The following CARMIL1 variants were observed in gnomAD, a reference collection of about 807,000 sequenced individuals.
CARMIL1 encodes F-actin-uncapping protein LRRC16A.
A neutral mutation model predicts 177.1 loss-of-function variants in CARMIL1; 90 were observed. The ratio of observed to expected loss-of-function variants is 0.51; its 90% CI spans 0.43 to 0.61. The LOEUF is 0.61. CARMIL1 is among the 20% of genes least tolerant of loss of function. The pLI, the probability that CARMIL1 is intolerant of heterozygous loss-of-function variation, is 0.00. For missense variants in CARMIL1, 1,380 were observed against 1,667.0 expected, an observed-to-expected ratio of 0.83 and a Z score of 3.00; for synonymous variants, 577 against 606.2, an observed-to-expected ratio of 0.95 and a Z score of 0.71.
chr6:25,319,867 A>C (rs922594462), intron 2 of CARMIL1, among the ~76,000 whole-genome samples: 1 of 150,602 alleles, frequency 6.6e-6, no homozygotes, highest in African/African-American at 2.4e-5. Flanking sequence ...TCCGGGGTTC[A>C]AGCGATTCTC....
chr6:25,302,103 T>C (rs969587512), intron 2 of CARMIL1, among the ~76,000 whole-genome samples: 3 of 152,174 alleles, frequency 2.0e-5, no homozygotes, highest in African/African-American at 7.2e-5. Context: ...GAAAATTCAG[T>C]AAGTCTAAAG....
At chr6:25,332,767 ACACACG>A (rs1289369169) in intron 2 of CARMIL1, among the ~76,000 whole-genome samples, 8 of 138,366 alleles carry the variant, frequency 5.8e-5, no homozygotes, top group African/African-American at 1.4e-4. Flanking sequence ...ACACACACAC[ACACACG>A]CGCACACACA....
intron 5 of CARMIL1, among the ~76,000 whole-genome samples, chr6:25,438,174 G>A (rs1157592340): frequency 6.6e-6 from 1 of 152,172 alleles, no homozygotes; most frequent in Non-Finnish European, 1.5e-5. Flanking sequence ...TCTGTAAAGA[G>A]AGTCTTTATT....
chr6:25,397,761 ACTAATGGACT>A (rs1793545565), intron 2 of CARMIL1, among the ~76,000 whole-genome samples: 1 of 152,074 alleles, frequency 6.6e-6, no homozygotes, highest in Admixed American at 6.5e-5. Context: ...TCTCTTTTCC[ACTAATGGACT>A]CCTAGGTATT....
intron 5 of CARMIL1, among the ~76,000 whole-genome samples, chr6:25,439,811 G>T (rs548613725): frequency 1.3e-5 from 2 of 152,198 alleles, no homozygotes; most frequent in East Asian, 3.9e-4. Context: ...GCACTCTGAG[G>T]GATTACGGGG....
Position 25,279,496 on chromosome 6 carries a change from A to C in CARMIL1, c.-300A>C, listed in dbSNP as rs1362633295. On this transcript the variant is annotated 5_prime_UTR_variant, in exon 1 of 37. Transcript: ENST00000329474. ...AGCCGGGAGGAGGAGCAGGCGCCAC[A>C]GCCGCCCCGCGCCCCGCGCCCGCTT... 2.1e-6 allele frequency: 1 copy of C among 481,820 alleles called. No homozygotes were observed. Among genetic ancestry groups the C allele is most frequent in the African/African-American group, 2.0e-5 (1 of 50,072 alleles). 29.8% of individuals were successfully genotyped at this position (481,820 alleles called of 1,614,324 possible). A position where few individuals can be genotyped will look rare whatever the true frequency, so the allele number is the denominator to read the frequency against.
At chr6:25,553,173 C>T (rs1342559115) in intron 27 of CARMIL1, among the ~76,000 whole-genome samples, 1 of 152,090 alleles carries the variant, frequency 6.6e-6, no homozygotes, top group Non-Finnish European at 1.5e-5. Flanking sequence ...TCAACGTTAG[C>T]TTATGCGACA....
At chr6:25,519,175 A>G (rs1435445752) in intron 22 of CARMIL1, among the ~76,000 whole-genome samples, 1 of 152,104 alleles carries the variant, frequency 6.6e-6, no homozygotes, top group Admixed American at 6.6e-5. Context: ...CTTTTAATAG[A>G]TGTCGTCTAA....
rs541497978 is a variant in CARMIL1 at position 25,317,166 on chromosome 6, G to T, written c.138+32257G>T. Among the ~76,000 whole-genome samples the T allele has an allele frequency of 7.2e-5, 11 of 152,160 alleles. No individual in the cohort carries two copies. In the South Asian group the frequency reaches 2.1e-3, roughly 29 times the overall value. On this transcript the variant is annotated intron_variant, in intron 2 of 36. Coordinates refer to ENST00000329474, the MANE Select transcript of CARMIL1 (RefSeq NM_017640.6). ...ATGCTTTCTTTCTTTTTTTGGGATG[G>T]GGTCTCAGTCTGTTGCCCAGGCTGA... is the stretch of plus-strand genomic sequence containing the variant.
intron 2 of CARMIL1, among the ~76,000 whole-genome samples, chr6:25,333,579 ATGT>A (rs913302540): frequency 6.6e-6 from 1 of 152,200 alleles, no homozygotes; most frequent in Non-Finnish European, 1.5e-5. Flanking sequence ...AAATAAAAAT[ATGT>A]TTTGTGCTTC....
intron 29 of CARMIL1, among the ~76,000 whole-genome samples, chr6:25,573,404 T>C (rs1371221969): frequency 6.6e-6 from 1 of 152,026 alleles, no homozygotes; most frequent in Admixed American, 6.6e-5. Context: ...CCTACACACC[T>C]GTTTCTATTC....
chr6:25,509,523 A>G lies in CARMIL1; in HGVS notation c.1396-133A>G. The G allele has an allele frequency of 1.5e-6, 1 of 650,630 alleles. No homozygotes were observed. The highest frequency in any genetic ancestry group is 3.0e-5 in the Admixed American group (1 of 33,780). 40.3% of individuals were successfully genotyped at this position (650,630 alleles called of 1,614,324 possible). On this transcript the variant is annotated intron_variant, in intron 17 of 36. Coordinates refer to ENST00000329474, the MANE Select transcript of CARMIL1 (RefSeq NM_017640.6). This position sits in a 1 kb window ranked among gnomAD's most constrained non-coding sequence, Gnocchi z 4.1. ...TACCCACTGATAATAGCTTCTTTGG[A>G]GTTGATAAGCTTTTACTTTTTCTTT...
chr6:25,282,007 C>T (rs202228691), intron 1 of CARMIL1, among the ~76,000 whole-genome samples: 1 of 149,974 alleles, frequency 6.7e-6, no homozygotes, highest in African/African-American at 2.5e-5. Flanking sequence ...CCCAGCTACT[C>T]GGGAGGCTGA....
At chr6:25,388,893 G>T (rs1042100140) in intron 2 of CARMIL1, among the ~76,000 whole-genome samples, 2 of 152,012 alleles carry the variant, frequency 1.3e-5, no homozygotes, top group African/African-American at 4.8e-5. Context: ...TTGTTGCCCA[G>T]GCTGGTCTTG....
rs1802188644 is a variant in CARMIL1 at position 25,482,266 on chromosome 6, C to G, written c.884C>G (p.Ser295Cys). 1.3e-6 allele frequency: 2 copies of G among 1,568,386 alleles called. No homozygotes were observed. The highest frequency in any genetic ancestry group is 1.7e-6 in the Non-Finnish European group (2 of 1,149,176). The stretch of plus-strand genomic sequence containing the variant: ...CTTTTTCCTTTCTCAGGTGTGTCCT[C>G]TTTAAGTATTCAATTTGCCAAACTC... ...GNPLEDRGVS[S>C]LSIQFAKLPK... The change falls in exon 12 of 37, where the codon TCT becomes TGT. Residue 295 changes from serine to cysteine, a missense_variant. Transcript: ENST00000329474.
chr6:25,559,947 G>A (rs1810961782), intron 29 of CARMIL1, among the ~76,000 whole-genome samples: 1 of 152,094 alleles, frequency 6.6e-6, no homozygotes, highest in South Asian at 2.1e-4. Context: ...ATTGCACTAG[G>A]GGAGGTTTAA....
At chr6:25,325,446 T>C (rs951588021) in intron 2 of CARMIL1, among the ~76,000 whole-genome samples, 1 of 152,214 alleles carries the variant, frequency 6.6e-6, no homozygotes, top group Non-Finnish European at 1.5e-5. Flanking sequence ...GTGGGTCTGT[T>C]TTTGTGGAAA....
intron 27 of CARMIL1, among the ~76,000 whole-genome samples, chr6:25,553,581 G>T (rs1221421437): frequency 6.6e-6 from 1 of 152,178 alleles, no homozygotes; most frequent in African/African-American, 2.4e-5. Flanking sequence ...TTTTTTAAAA[G>T]GGTGAGTGAT....
intron 2 of CARMIL1, among the ~76,000 whole-genome samples, chr6:25,388,904 A>G (rs1158175942): frequency 1.3e-5 from 2 of 151,840 alleles, no homozygotes; most frequent in Non-Finnish European, 2.9e-5. Context: ...GCTGGTCTTG[A>G]ATTCATGGCC....
Sources: gnomAD v4.1 joint callset for allele counts (sites outside exome capture counted in the v4.1 genomes callset) on GRCh38, gnomAD v4.1.1 for gene constraint, Gnocchi (gnomAD v3.1) non-coding constraint, MANE v1.5 for transcripts, NCBI Gene and HGNC (gene_info 2026-07-23, HGNC 2026-07-21) for gene names.